Variants in PCCA observed in about 807,000 individuals in gnomAD.
PCCA encodes propionyl-CoA carboxylase subunit alpha, also known as propionyl-CoA carboxylase alpha chain, mitochondrial.
PCCA carries 74 observed loss-of-function variants against 101.3 expected under a neutral mutation model. The observed-to-expected ratio is 0.73, with a 90% CI of 0.61 to 0.89. PCCA has a LOEUF of 0.89. PCCA is among the 40% of genes least tolerant of loss of function. The pLI, the probability that PCCA is intolerant of heterozygous loss-of-function variation, is 0.00. For missense variants in PCCA, 891 were observed against 907.0 expected (o/e 0.98, Z 0.23); for synonymous variants, 294 against 313.6 (o/e 0.94, Z 0.66).
At chr13:100,250,255 T>G (rs1489340462) in intron 8 of PCCA, among the ~76,000 whole-genome samples, 1 of 152,186 alleles carries the variant, frequency 6.6e-6, no homozygotes, top group East Asian at 1.9e-4. Flanking sequence ...TATTCCTAGT[T>G]TGCTAAACTC....
intron 4 of PCCA, among the ~76,000 whole-genome samples, chr13:100,132,986 G>T (rs2050705755): frequency 6.6e-6 from 1 of 152,024 alleles, no homozygotes; most frequent in Non-Finnish European, 1.5e-5. Context: ...TCACCATGTT[G>T]GCCAGGCTGG....
chr13:100,522,708 C>T (rs752193853), intron 22 of PCCA, among the ~76,000 whole-genome samples: 11 of 152,290 alleles, frequency 7.2e-5, no homozygotes, highest in East Asian at 5.8e-4. Context: ...TGTTACTCCC[C>T]GTCTGTTCCA....
At chr13:100,221,404 G>A (rs1025578083) in intron 7 of PCCA, among the ~76,000 whole-genome samples, 2 of 152,146 alleles carry the variant, frequency 1.3e-5, no homozygotes, top group African/African-American at 4.8e-5. Flanking sequence ...AGTGGGCTTC[G>A]AACATGTGTC....
At chr13:100,132,073 A>G (rs1400486021) in intron 4 of PCCA, among the ~76,000 whole-genome samples, 1 of 152,184 alleles carries the variant, frequency 6.6e-6, no homozygotes, top group East Asian at 1.9e-4. Context: ...CCAGAAAGTT[A>G]GATAGGGCTA....
At chr13:100,429,814 C>G (rs964792077) in intron 20 of PCCA, among the ~76,000 whole-genome samples, 2 of 151,756 alleles carry the variant, frequency 1.3e-5, no homozygotes, top group African/African-American at 4.8e-5. Flanking sequence ...GCCATGTTGG[C>G]CAGGCTGGTC....
chr13:100,375,005 G>A (rs1453700837), intron 19 of PCCA, among the ~76,000 whole-genome samples: 3 of 152,156 alleles, frequency 2.0e-5, no homozygotes, highest in Non-Finnish European at 4.4e-5. Context: ...TGGGCATTTA[G>A]TGCTATAAAT....
At chr13:100,527,243 CA>C (rs2087912490) in intron 22 of PCCA, 3 of 463,726 alleles carry the variant, frequency 6.5e-6, no homozygotes, top group East Asian at 6.9e-5. Context: ...TTATCACTCT[CA>C]AAAGAAACCC....
intron 4 of PCCA, among the ~76,000 whole-genome samples, chr13:100,153,479 A>G (rs1161805769): frequency 6.6e-6 from 1 of 152,222 alleles, no homozygotes; most frequent in Admixed American, 6.5e-5. Flanking sequence ...ATTTAAGTTT[A>G]AACAAAGACT....
At chr13:100,393,565 C>T (rs1364163783) in intron 19 of PCCA, among the ~76,000 whole-genome samples, 1 of 151,832 alleles carries the variant, frequency 6.6e-6, no homozygotes, top group Non-Finnish European at 1.5e-5. Context: ...TTTACAGGCG[C>T]CCGCCACCGT....
rs534282153 is a variant in PCCA, at chr13:100,122,083, A to C, written c.300+10022A>C. 3.0e-4 allele frequency among the ~76,000 whole-genome samples: 46 copies of C among 152,246 alleles called. No individual in the cohort carries two copies. The South Asian group carries it at 6.4e-3, about 21-fold the overall frequency. ...AAGAACAGGTGTTGCATTTTTTCAA[A>C]TGCTTTTTCTGTGTTTACTGAGATG... On this transcript the variant is annotated intron_variant, in intron 4 of 23. Coordinates refer to ENST00000376285, the MANE Select transcript of PCCA (RefSeq NM_000282.4).
At chr13:100,418,004 C>A (rs549484749) in intron 19 of PCCA, among the ~76,000 whole-genome samples, 1 of 152,294 alleles carries the variant, frequency 6.6e-6, no homozygotes, top group African/African-American at 2.4e-5. Flanking sequence ...GTATCCCTCT[C>A]CCTGCACGTG....
chr13:100,344,742 G>A (rs1168550987), intron 18 of PCCA, among the ~76,000 whole-genome samples: 1 of 152,076 alleles, frequency 6.6e-6, no homozygotes, highest in Admixed American at 6.5e-5. Context: ...TTGCTTTATT[G>A]CACTTCTCAG....
intron 4 of PCCA, among the ~76,000 whole-genome samples, chr13:100,123,045 T>C (rs1043778493): frequency 9.9e-5 from 15 of 152,246 alleles, no homozygotes; most frequent in African/African-American, 3.1e-4. Context: ...TTTCTAGTTA[T>C]ACAATGAACT....
intron 19 of PCCA, among the ~76,000 whole-genome samples, chr13:100,376,477 C>T (rs1158098567): frequency 6.6e-6 from 1 of 152,198 alleles, no homozygotes; most frequent in Admixed American, 6.5e-5. Context: ...GTACTCTGTC[C>T]CAGGGAGATA....
intron 20 of PCCA, among the ~76,000 whole-genome samples, chr13:100,444,114 G>A (rs1228394551): frequency 6.6e-6 from 1 of 151,698 alleles, no homozygotes; most frequent in Non-Finnish European, 1.5e-5. Flanking sequence ...TTCTGGCCAC[G>A]CTGAACTGCT....
At chr13:100,400,765 G>A (rs949170253) in intron 19 of PCCA, among the ~76,000 whole-genome samples, 1 of 151,250 alleles carries the variant, frequency 6.6e-6, no homozygotes, top group Admixed American at 6.6e-5. Context: ...AGCTGGGATT[G>A]TAGGTGCCCG....
intron 10 of PCCA, among the ~76,000 whole-genome samples, chr13:100,265,641 G>T (rs1416071289): frequency 4.6e-5 from 7 of 152,030 alleles, no homozygotes; most frequent in Non-Finnish European, 1.0e-4. Flanking sequence ...TTGTATTTGG[G>T]TCGTATTGAA....
At chr13:100,262,700 C>T in intron 9 of PCCA, 29 bp from the exon 10 acceptor site, 1 of 978,502 alleles carries the variant, frequency 1.0e-6, no homozygotes. Context: ...CTCTCCCCCC[C>T]TCCTCCTTCT....
At chr13:100,204,699 A>C (rs1342911496) in intron 6 of PCCA, among the ~76,000 whole-genome samples, 1 of 152,094 alleles carries the variant, frequency 6.6e-6, no homozygotes, top group Non-Finnish European at 1.5e-5. Context: ...CCTTTCCCCC[A>C]TTCTTCTATT....
Sources: allele counts gnomAD v4.1 joint callset (sites outside exome capture counted in the v4.1 genomes callset), GRCh38; gene constraint gnomAD v4.1.1; transcripts MANE v1.5; gene names NCBI Gene and HGNC (gene_info 2026-07-23, HGNC 2026-07-21).